Variants in DIP2B observed in about 807,000 individuals in gnomAD.
DIP2B encodes the protein DIP2 acetate--CoA ligase B (putative), also known as disco-interacting protein 2 homolog B.
DIP2B carries 76 observed loss-of-function variants against 198.0 expected under a neutral mutation model. That is an observed-to-expected ratio of 0.38 (90% confidence interval 0.32 to 0.46). The LOEUF (loss-of-function observed/expected upper bound fraction) is 0.46. Among genes scored for constraint, DIP2B ranks in the 20% least tolerant of loss-of-function variants. DIP2B has a pLI of 0.99. For missense variants in DIP2B, 1,559 were observed against 1,978.4 expected (o/e 0.79, Z 4.02); for synonymous variants, 701 against 739.1 (o/e 0.95, Z 0.84).
rs1230940252 is a variant in DIP2B at position 50,609,513 on chromosome 12, C to G, written c.101-16463C>G. Among the ~76,000 whole-genome samples, 3 of 152,224 alleles carry G rather than the reference C, an allele frequency of 2.0e-5. No individual in the cohort carries two copies. In the East Asian group the frequency reaches 5.8e-4, roughly 29 times the overall value. Reference sequence around the variant, plus strand: ...TCATCTACTGGTCTGGCTCTTCACCCTTTGTCCAATATAGCTGATTACCAC... The same window carrying G: ...TCATCTACTGGTCTGGCTCTTCACCGTTTGTCCAATATAGCTGATTACCAC... On this transcript the variant is annotated intron_variant, in intron 1 of 37. Coordinates refer to ENST00000301180, the MANE Select transcript of DIP2B (RefSeq NM_173602.3).
chr12:50,703,984 A>AT (rs1175348828), intron 19 of DIP2B, among the ~76,000 whole-genome samples, 156 bp from the exon 20 acceptor site: 9 of 151,566 alleles, frequency 5.9e-5, no homozygotes, highest in Non-Finnish European at 1.2e-4. Context: ...TAAACAATAA[A>AT]TTGTAATTAT....
At chr12:50,670,017 C>T (rs1938822797) in intron 4 of DIP2B, among the ~76,000 whole-genome samples, 1 of 152,162 alleles carries the variant, frequency 6.6e-6, no homozygotes, top group Non-Finnish European at 1.5e-5. Context: ...GTTTATCTCA[C>T]ATTAGACCAA....
At chr12:50,664,933 C>T (rs1380180549) in intron 4 of DIP2B, among the ~76,000 whole-genome samples, 1 of 140,796 alleles carries the variant, frequency 7.1e-6, no homozygotes, top group Non-Finnish European at 1.5e-5. Context: ...ACTGCAGTCT[C>T]AAACTCCCAG....
chr12:50,585,001 G>T (rs1335776455), intron 1 of DIP2B, among the ~76,000 whole-genome samples: 1 of 152,046 alleles, frequency 6.6e-6, no homozygotes, highest in East Asian at 1.9e-4. Flanking sequence ...CCCTCATTAT[G>T]CTGTGGCTAT....
At chr12:50,610,539 C>T (rs1593654376) in intron 1 of DIP2B, among the ~76,000 whole-genome samples, 1 of 150,458 alleles carries the variant, frequency 6.6e-6, no homozygotes, top group East Asian at 2.0e-4. Flanking sequence ...GAGTCTTGCT[C>T]TGTACATCCA....
chr12:50,684,810 G>C (rs1304315267), intron 10 of DIP2B, among the ~76,000 whole-genome samples: 1 of 151,760 alleles, frequency 6.6e-6, no homozygotes, highest in East Asian at 1.9e-4. Context: ...GAAGAAATCA[G>C]CCGGGCCGCA....
intron 19 of DIP2B, among the ~76,000 whole-genome samples, chr12:50,701,425 C>T (rs1939414626): frequency 6.6e-6 from 1 of 152,184 alleles, no homozygotes; most frequent in Non-Finnish European, 1.5e-5. Context: ...CTCTGTCGCC[C>T]AGGCGGAGTG....
At chr12:50,691,180 T>C (rs1939216550) in intron 13 of DIP2B, 29 bp downstream of exon 13, 12 of 1,588,246 alleles carry the variant, frequency 7.6e-6, no homozygotes, top group East Asian at 2.2e-5. Flanking sequence ...ACTGCCCTCA[T>C]TGTTACCTTC....
chr12:50,731,448 A>T lies in DIP2B; in HGVS notation c.3721A>T (p.Asn1241Tyr), dbSNP rs1357010140. ...CCTTTTCCTCTGGCTCTCCACAGTC[A>T]ACCAGTACAAAATAAGGGACACTTT... is the stretch of plus-strand genomic sequence containing the variant. Reference protein sequence around the residue: ...NNLFLWLSTVNQYKIRDTFCS... With the variant: ...NNLFLWLSTVYQYKIRDTFCS... The change falls in exon 31 of 38, where the codon AAC becomes TAC. Residue 1241 changes from asparagine to tyrosine, a missense_variant. Coordinates refer to ENST00000301180, the MANE Select transcript of DIP2B (RefSeq NM_173602.3). The T allele has an allele frequency of 1.2e-6, 2 of 1,614,186 alleles. No homozygotes were observed. The highest frequency in any genetic ancestry group is 1.7e-5 in the Admixed American group (1 of 60,018).
chr12:50,533,249 C>G (rs555960774), intron 1 of DIP2B, among the ~76,000 whole-genome samples: 1 of 152,354 alleles, frequency 6.6e-6, no homozygotes, highest in East Asian at 1.9e-4. Flanking sequence ...TTCAAGACTA[C>G]ATATTTCTCA....
intron 3 of DIP2B, among the ~76,000 whole-genome samples, chr12:50,658,539 C>G (rs1938592088): frequency 6.6e-6 from 1 of 152,162 alleles, no homozygotes; most frequent in African/African-American, 2.4e-5. Context: ...AGTACATATA[C>G]TTTGATCTCA....
chr12:50,537,645 T>G (rs1204200342), intron 1 of DIP2B, among the ~76,000 whole-genome samples: 1 of 152,154 alleles, frequency 6.6e-6, no homozygotes, highest in Non-Finnish European at 1.5e-5. Flanking sequence ...GGGCATCATC[T>G]TCATGTGATT....
intron 20 of DIP2B, among the ~76,000 whole-genome samples, chr12:50,705,362 A>C (rs1048156959): frequency 6.6e-6 from 1 of 152,186 alleles, no homozygotes; most frequent in African/African-American, 2.4e-5. Flanking sequence ...TTCACTTAGC[A>C]CCAGGAAATT....
At chr12:50,659,077 A>G (rs945425218) in intron 3 of DIP2B, among the ~76,000 whole-genome samples, 3 of 152,112 alleles carry the variant, frequency 2.0e-5, no homozygotes, top group African/African-American at 7.2e-5. Context: ...ACAGAGCGAC[A>G]CTCCATCTCA....
intron 2 of DIP2B, among the ~76,000 whole-genome samples, chr12:50,638,999 T>G (rs1207580627): frequency 5.3e-5 from 8 of 152,156 alleles, no homozygotes; most frequent in Non-Finnish European, 1.0e-4. Context: ...TTTGGGTATT[T>G]GGGGTGTTCA....
rs1939875127 is a variant in DIP2B, at chr12:50,723,276, G to A, written c.3241G>A (p.Ala1081Thr). ...ACCTGTGACCGTCAGACCTCCACAT[G>A]CTCAGAACCTCACGGCCACGCTGCC... ...CIPVTVRPPH[A>T]QNLTATLPTV... The change falls in exon 27 of 38, where the codon GCT becomes ACT. Residue 1081 changes from alanine to threonine, a missense_variant. Transcript: ENST00000301180. The A allele has an allele frequency of 6.2e-7, 1 of 1,614,158 alleles. No homozygotes were observed. Among genetic ancestry groups the A allele is most frequent in the South Asian group, 1.1e-5 (1 of 91,086 alleles).
At chr12:50,612,908 A>T (rs1354873207) in intron 1 of DIP2B, among the ~76,000 whole-genome samples, 1 of 152,170 alleles carries the variant, frequency 6.6e-6, no homozygotes, top group Admixed American at 6.5e-5. Context: ...TATTCAAACC[A>T]TCATCTTTCT....
At position 50,706,647 on chromosome 12, in the gene DIP2B, A is replaced by G. The variant is rs759616750; in HGVS notation, c.2516A>G (p.Lys839Arg). The G allele has an allele frequency of 3.7e-6, 6 of 1,613,970 alleles. No homozygotes were observed. The African/African-American group carries it at 8.0e-5, about 22-fold the overall frequency. ...VATGLAVESI[K>R]TVYRGRIAVF... is the part of the protein sequence containing the mutation. ...ACTGGATTGGCTGTAGAATCAATAA[A>G]GACTGTTTATAGAGGAAGGTGAGTA... The change falls in exon 21 of 38, where the codon AAG becomes AGG. Residue 839 changes from lysine to arginine, a missense_variant. Coordinates refer to ENST00000301180, the MANE Select transcript of DIP2B (RefSeq NM_173602.3).
intron 16 of DIP2B, 133 bp downstream of exon 16, chr12:50,696,100 T>TACCA: frequency 7.3e-7 from 1 of 1,368,982 alleles, no homozygotes; most frequent in Non-Finnish European, 9.9e-7. Flanking sequence ...GTGGTTTTGG[T>TACCA]ATATTCACGA....
Sources: gnomAD v4.1 joint callset for allele counts (sites outside exome capture counted in the v4.1 genomes callset) on GRCh38, gnomAD v4.1.1 for gene constraint, MANE v1.5 for transcripts, NCBI Gene and HGNC (gene_info 2026-07-23, HGNC 2026-07-21) for gene names.